DYM: variants seen among roughly 807,000 people sequenced by gnomAD.
DYM encodes the protein dymeclin, also known as dyggve-Melchior-Clausen syndrome protein.
DYM carries 78 observed loss-of-function variants against 93.1 expected under a neutral mutation model. The observed-to-expected ratio is 0.84, with a 90% CI of 0.70 to 1.01. The LOEUF (loss-of-function observed/expected upper bound fraction) is 1.01, where lower values mean the gene tolerates loss of function less well. DYM is among the 50% of genes least tolerant of loss of function. The pLI is 0.00. For missense variants in DYM, 789 were observed against 845.0 expected, an observed-to-expected ratio of 0.93 and a Z score of 0.82; for synonymous variants, 321 against 319.7, an observed-to-expected ratio of 1.00 and a Z score of -0.04.
intron 8 of DYM, among the ~76,000 whole-genome samples, chr18:49,288,028 T>C (rs1364689237): frequency 6.6e-6 from 1 of 152,196 alleles, no homozygotes; most frequent in Non-Finnish European, 1.5e-5. Flanking sequence ...TAAATACATG[T>C]TGAAATAATA....
intron 17 of DYM, among the ~76,000 whole-genome samples, chr18:49,092,622 C>T (rs1329484900): frequency 4.6e-5 from 7 of 152,126 alleles, no homozygotes; most frequent in Non-Finnish European, 8.8e-5. Context: ...GGTAAAATAA[C>T]GAGCTGCAGT....
chr18:49,116,726 A>AAAG (rs2081957911), intron 16 of DYM, among the ~76,000 whole-genome samples: 2 of 152,294 alleles, frequency 1.3e-5, no homozygotes, highest in East Asian at 3.9e-4. Context: ...TTGCATTATC[A>AAAG]TCTTCTATCA....
intron 8 of DYM, among the ~76,000 whole-genome samples, chr18:49,317,585 CTCTCTCTCTCT>C (rs1568235772): frequency 3.3e-4 from 4 of 12,026 alleles, no homozygotes; most frequent in African/African-American, 1.3e-3. Context: ...CTCTCTCTCT[CTCTCTCTCTCT>C]CCCCCCTCCC....
intron 8 of DYM, among the ~76,000 whole-genome samples, chr18:49,288,234 C>T (rs2059791859): frequency 6.6e-6 from 1 of 152,020 alleles, no homozygotes. Flanking sequence ...GATTTTGGTG[C>T]AGTACTATGG....
At chr18:49,193,415 G>C (rs1235008132) in intron 14 of DYM, among the ~76,000 whole-genome samples, 6 of 152,122 alleles carry the variant, frequency 3.9e-5, no homozygotes, top group Non-Finnish European at 5.9e-5. Flanking sequence ...TAGACAGCTA[G>C]TTTGTAAAAC....
intron 6 of DYM, among the ~76,000 whole-genome samples, chr18:49,340,842 G>A (rs948758216): frequency 6.6e-5 from 10 of 152,186 alleles, no homozygotes; most frequent in African/African-American, 1.4e-4. Flanking sequence ...CTACCACTCA[G>A]TGACAGATCA....
At chr18:49,239,608 G>A (rs766400262) in intron 13 of DYM, among the ~76,000 whole-genome samples, 7 of 152,202 alleles carry the variant, frequency 4.6e-5, no homozygotes, top group Admixed American at 3.3e-4. Context: ...ACCTGCCTGC[G>A]TTGCGGTGAG....
intron 16 of DYM, among the ~76,000 whole-genome samples, chr18:49,104,217 T>C (rs537659549): frequency 2.0e-5 from 3 of 152,320 alleles, no homozygotes; most frequent in Non-Finnish European, 4.4e-5. Flanking sequence ...TCTGTTTGTC[T>C]GTTATTGGTG....
chr18:49,380,982 G>A lies in DYM; in HGVS notation c.194-1224C>T, dbSNP rs560795091. Among the ~76,000 whole-genome samples, 5 of 151,620 alleles carry A rather than the reference G, an allele frequency of 3.3e-5. No individual in the cohort carries two copies. In the South Asian group the frequency reaches 8.3e-4, roughly 25 times the overall value. On this transcript the variant is annotated intron_variant, in intron 3 of 17. Transcript: ENST00000675505. ...ATTCTTATGCAGATCTGGGAATTTCGCATATATTTGAACTTCTTTTTTTTT... is the reference window on the plus strand; with the variant it reads ...ATTCTTATGCAGATCTGGGAATTTCACATATATTTGAACTTCTTTTTTTTT...
At chr18:49,438,574 C>T (rs1032107083) in intron 1 of DYM, among the ~76,000 whole-genome samples, 3 of 152,036 alleles carry the variant, frequency 2.0e-5, no homozygotes, top group Non-Finnish European at 1.5e-5. Flanking sequence ...AGCAGAAAGG[C>T]CAGAAAAAGG....
intron 1 of DYM, among the ~76,000 whole-genome samples, chr18:49,443,331 A>G (rs2081826400): frequency 6.6e-6 from 1 of 152,198 alleles, no homozygotes; most frequent in Non-Finnish European, 1.5e-5. Context: ...GTTGCTACAG[A>G]GATCATATTT....
intron 15 of DYM, among the ~76,000 whole-genome samples, chr18:49,154,259 A>G (rs995492740): frequency 6.6e-6 from 1 of 152,200 alleles, no homozygotes; most frequent in Non-Finnish European, 1.5e-5. Flanking sequence ...TTAATGTTAA[A>G]ATTGTAAAAT....
intron 8 of DYM, among the ~76,000 whole-genome samples, chr18:49,330,802 C>G (rs1208151292): frequency 6.6e-6 from 1 of 152,134 alleles, no homozygotes; most frequent in Non-Finnish European, 1.5e-5. Flanking sequence ...AGGAGTAACT[C>G]AAAGAATCTA....
intron 14 of DYM, among the ~76,000 whole-genome samples, chr18:49,178,382 C>G (rs900195078): frequency 6.6e-6 from 1 of 152,072 alleles, no homozygotes; most frequent in Non-Finnish European, 1.5e-5. Flanking sequence ...ATCAACAACC[C>G]TGCAGCAATG....
At chr18:49,239,898 T>G (rs1298192404) in intron 13 of DYM, among the ~76,000 whole-genome samples, 1 of 152,200 alleles carries the variant, frequency 6.6e-6, no homozygotes, top group Non-Finnish European at 1.5e-5. Context: ...AGCAACAAAT[T>G]TATTTCATAA....
At chr18:49,240,053 A>C (rs1207573310) in intron 13 of DYM, among the ~76,000 whole-genome samples, 1 of 152,206 alleles carries the variant, frequency 6.6e-6, no homozygotes, top group African/African-American at 2.4e-5. Flanking sequence ...TTCTCTTTCA[A>C]CCTCTGATAA....
chr18:49,267,014 C>T (rs1339251854), intron 11 of DYM, among the ~76,000 whole-genome samples: 2 of 151,542 alleles, frequency 1.3e-5, no homozygotes, highest in African/African-American at 2.4e-5. Flanking sequence ...TAATAAAGAG[C>T]ACAAATAATT....
At chr18:49,093,837 A>T (rs1258708323) in intron 17 of DYM, among the ~76,000 whole-genome samples, 1 of 152,176 alleles carries the variant, frequency 6.6e-6, no homozygotes, top group Non-Finnish European at 1.5e-5. Flanking sequence ...AATAGGAGCA[A>T]AGTGAAAGGT....
intron 2 of DYM, among the ~76,000 whole-genome samples, chr18:49,399,933 T>TA (rs1568379405): frequency 3.5e-4 from 40 of 114,690 alleles, no homozygotes; most frequent in Non-Finnish European, 4.6e-4. Context: ...TTTTTATTTT[T>TA]CTTTTTTTTT....
Sources: allele counts gnomAD v4.1 joint callset (sites outside exome capture counted in the v4.1 genomes callset), GRCh38; gene constraint gnomAD v4.1.1; transcripts MANE v1.5; gene names NCBI Gene and HGNC (gene_info 2026-07-23, HGNC 2026-07-21).